BAZ2B: variants seen among roughly 807,000 people sequenced by gnomAD.
BAZ2B encodes the protein bromodomain adjacent to zinc finger domain 2B.
Under a neutral mutation model 246.0 loss-of-function variants are expected in BAZ2B, and 91 were observed. That is an observed-to-expected ratio of 0.37 (90% CI 0.31 to 0.44). The LOEUF (loss-of-function observed/expected upper bound fraction) is 0.44, where lower values mean the gene tolerates loss of function less well. Ranked by LOEUF, BAZ2B falls within the 20% of genes least tolerant of loss-of-function variation. BAZ2B has a pLI of 1.00. For missense variants in BAZ2B, 2,332 were observed against 2,533.7 expected (o/e 0.92, Z 1.71); for synonymous variants, 855 against 860.0 (o/e 0.99, Z 0.10).
chr2:159,672,158 T>C, the BAZ2B span, among the ~76,000 whole-genome samples: 1 of 152,200 alleles, frequency 6.6e-6, no homozygotes, highest in Non-Finnish European at 1.5e-5. Flanking sequence ...AATAGTTTTC[T>C]AGTTGCAACA....
At chr2:159,358,116 T>G (rs146777724) in intron 27 of BAZ2B, among the ~76,000 whole-genome samples, 148 of 152,256 alleles carry the variant, frequency 9.7e-4, no homozygotes, top group Middle Eastern at 3.4e-3. Flanking sequence ...CATAACAACA[T>G]TAACCTTAAA....
intron 34 of BAZ2B, among the ~76,000 whole-genome samples, 166 bp from the exon 35 acceptor site, chr2:159,326,084 CATAAT>C (rs1160874574): frequency 3.5e-4 from 53 of 152,088 alleles, no homozygotes; most frequent in African/African-American, 6.7e-4. Context: ...TTTTTCCTCT[CATAAT>C]ATAAGGATAA....
intron 2 of BAZ2B, among the ~76,000 whole-genome samples, chr2:159,516,067 T>C (rs767537409): frequency 1.3e-5 from 2 of 152,074 alleles, no homozygotes; most frequent in Non-Finnish European, 2.9e-5. Flanking sequence ...TATGAGCTGG[T>C]TGGATTTAAG....
chr2:159,412,474 T>C lies in BAZ2B; in HGVS notation c.2538A>G (p.Gly846=). 2 of 1,614,154 alleles carry C rather than the reference T, an allele frequency of 1.2e-6. No individual in the cohort carries two copies. The highest frequency in any genetic ancestry group is 2.2e-5 in the South Asian group (2 of 91,076). ...GTTGTCTATCTGGATTTGGTGGTCTTCCTCTACGACCTTCCATTGCCCTGA... is the reference window on the plus strand; with the variant it reads ...GTTGTCTATCTGGATTTGGTGGTCTCCCTCTACGACCTTCCATTGCCCTGA... ...PRIRAMEGRR[G]RPPNPDRQRA... Residue 846 remains glycine, a synonymous_variant, in exon 14 of 37, where the codon GGA becomes GGG. Coordinates refer to ENST00000392783, the MANE Select transcript of BAZ2B (RefSeq NM_013450.4).
intron 5 of BAZ2B, 136 bp from the exon 6 acceptor site, chr2:159,447,111 G>C: frequency 1.7e-6 from 1 of 595,622 alleles, no homozygotes; most frequent in Non-Finnish European, 2.6e-6. Context: ...CATGTTGTAT[G>C]ATTCCATCTA....
chr2:159,337,011 A>G lies in BAZ2B; in HGVS notation c.5727T>C (p.Ala1909=), dbSNP rs1182750331. 6.2e-7 allele frequency: 1 copy of G among 1,611,444 alleles called. No individual in the cohort carries two copies. The highest frequency in any genetic ancestry group is 1.7e-5 in the Admixed American group (1 of 60,006). The change falls in exon 33 of 37, where the codon GCT becomes GCC. Residue 1909 remains alanine, a synonymous_variant. Transcript: ENST00000392783. The part of the protein sequence containing the change: ...WRRALSEARS[A]AQVALCIQQL... ...GCTGAATGCACAGAGCTACCTGTGCAGCACTGCGAGCTTCTGATAATGCCC... is the reference window on the plus strand; with the variant it reads ...GCTGAATGCACAGAGCTACCTGTGCGGCACTGCGAGCTTCTGATAATGCCC...
chr2:159,680,256 A>C, the BAZ2B span, among the ~76,000 whole-genome samples: 1 of 152,202 alleles, frequency 6.6e-6, no homozygotes, highest in East Asian at 1.9e-4. Flanking sequence ...CTGTTAAGAA[A>C]TTGAAAAATC....
At position 159,325,636 on chromosome 2, in the gene BAZ2B, GA is replaced by G. The variant is rs768916256; in HGVS notation, c.6209+16del. The G allele has an allele frequency of 4.4e-6, 7 of 1,578,378 alleles. No individual in the cohort carries two copies. In the South Asian group the frequency reaches 8.4e-5, roughly 19 times the overall value. ...GGGGCATTATAAATATACAGTGCAT[GA>G]AAACGGAAATAATACCTGCAAAGAG... On this transcript the variant is annotated intron_variant, in intron 35 of 36. Transcript: ENST00000392783.
At chr2:159,346,262 G>A (rs1324148942) in intron 31 of BAZ2B, among the ~76,000 whole-genome samples, 1 of 152,154 alleles carries the variant, frequency 6.6e-6, no homozygotes, top group East Asian at 1.9e-4. Flanking sequence ...ATCCTCAAAA[G>A]TGTCCAAATG....
At chr2:159,548,113 C>T (rs2087635314) in intron 2 of BAZ2B, among the ~76,000 whole-genome samples, 1 of 152,110 alleles carries the variant, frequency 6.6e-6, no homozygotes, top group Non-Finnish European at 1.5e-5. Flanking sequence ...ACTGAAATGG[C>T]TGCTACATAC....
chr2:159,594,431 C>T (rs1459679143), intron 1 of BAZ2B, among the ~76,000 whole-genome samples: 2 of 152,018 alleles, frequency 1.3e-5, no homozygotes, highest in Admixed American at 1.3e-4. Context: ...ATTAGAAAAA[C>T]TAAGTATTTT....
the BAZ2B span, among the ~76,000 whole-genome samples, chr2:159,653,220 G>A: frequency 3.9e-5 from 6 of 152,082 alleles, no homozygotes; most frequent in African/African-American, 7.2e-5. Flanking sequence ...GATTATAGGC[G>A]TGAGCCACCA....
intron 18 of BAZ2B, chr2:159,398,036 T>A (rs1480510936): frequency 6.6e-6 from 1 of 152,090 alleles, no homozygotes; most frequent in Non-Finnish European, 1.5e-5. Flanking sequence ...ATGGATGAAA[T>A]TAATATTAAC....
At chr2:159,668,755 G>A in the BAZ2B span, among the ~76,000 whole-genome samples, 2 of 151,784 alleles carry the variant, frequency 1.3e-5, no homozygotes. Flanking sequence ...ATTAATTTTA[G>A]AGCTTTGTTT....
intron 1 of BAZ2B, among the ~76,000 whole-genome samples, chr2:159,614,083 T>G (rs914777967): frequency 6.6e-6 from 1 of 152,182 alleles, no homozygotes; most frequent in Non-Finnish European, 1.5e-5. Context: ...CATGTCCTTG[T>G]TAGAAGAGAT....
chr2:159,349,781 G>C lies in BAZ2B; in HGVS notation c.4790C>G (p.Pro1597Arg). 6.2e-7 allele frequency: 1 copy of C among 1,614,124 alleles called. No homozygotes were observed. The highest frequency in any genetic ancestry group is 1.7e-4 in the Middle Eastern group (1 of 6,060). Reference protein sequence around the residue: ...QSQPPSKSPSPTPAPLGSSAQ... With the variant: ...QSQPPSKSPSRTPAPLGSSAQ... The stretch of plus-strand genomic sequence containing the variant: ...AGAAGATCCAAGAGGAGCTGGGGTA[G>C]GTGAAGGTGACTTAGATGGTGGCTG... Residue 1597 changes from proline (P) to arginine (R), a missense_variant, in exon 28 of 37, where the codon CCT becomes CGT. Pro to Arg is a moderately radical substitution (Grantham distance 103). This residue lies in a region of BAZ2B where 676 missense variants were observed against 668.6 expected (regional missense o/e 1.01). Transcript: ENST00000392783.
At chr2:159,454,478 G>A (rs12986992) in intron 3 of BAZ2B, among the ~76,000 whole-genome samples, 49,813 of 152,064 alleles carry the variant, frequency 0.33, 9,701 homozygotes, top group Non-Finnish European at 0.46. Flanking sequence ...ACCTGTTCAG[G>A]ATGTTACTGA....
rs548201805 is a variant in BAZ2B at position 159,318,979 on chromosome 2, T to C, written c.*1286A>G. 3 of 152,728 alleles carry C rather than the reference T, an allele frequency of 2.0e-5. No individual in the cohort carries two copies. Among genetic ancestry groups the C allele is most frequent in the South Asian group, 4.1e-4 (2 of 4,832 alleles). The allele number at this position is 152,728 out of a possible 1,614,324, so 9.5% of individuals were successfully genotyped here. On this transcript the variant is annotated 3_prime_UTR_variant, in exon 37 of 37. Transcript: ENST00000392783. ...AGGTACATTAAGAAAAACTAAAAAA[T>C]TAGTTTGTAAAAGTCTTTTATTGTA...
intron 24 of BAZ2B, 109 bp downstream of exon 24, chr2:159,383,497 T>G (rs1277167694): frequency 1.0e-6 from 1 of 973,274 alleles, no homozygotes; most frequent in African/African-American, 1.7e-5. Context: ...GAGCATTATC[T>G]TTTCTTTAGA....
Sources: gnomAD v4.1 joint callset for allele counts (sites outside exome capture counted in the v4.1 genomes callset) on GRCh38, gnomAD v4.1.1 for gene constraint, gnomAD v4.1.1 regional missense constraint, MANE v1.5 for transcripts, NCBI Gene and HGNC (gene_info 2026-07-23, HGNC 2026-07-21) for gene names.